The following ABL1 variants were observed in gnomAD, a reference collection of about 807,000 sequenced individuals.
ABL1 encodes the protein tyrosine-protein kinase ABL1.
In ABL1, 11 loss-of-function variants were observed where a neutral mutation model predicts 94.7. The ratio of observed to expected loss-of-function variants is 0.12; its 90% CI spans 0.07 to 0.19. The LOEUF (loss-of-function observed/expected upper bound fraction) is 0.19. Among genes scored for constraint, ABL1 ranks in the 10% least tolerant of loss-of-function variants. The pLI is 1.00. For synonymous variants in ABL1, 656 were observed against 622.4 expected (o/e 1.05, Z -0.80); for missense variants, 1,082 against 1,489.4 (o/e 0.73, Z 4.50).
Position 130,827,765 on chromosome 9 carries a change from G to A in ABL1, c.137-26299G>A, listed in dbSNP as rs569236025. Among the ~76,000 whole-genome samples, 23 of 152,048 alleles carry A rather than the reference G, an allele frequency of 1.5e-4. No homozygotes were observed. In the South Asian group the frequency reaches 4.8e-3, roughly 32 times the overall value. ...CAAAAATTAACTGAACATGGTGGCA[G>A]GCACCTGTAATCCCAGCTATTGGGA... On this transcript the variant is annotated intron_variant, in intron 1 of 10. Transcript: ENST00000372348.
Position 130,885,075 on chromosome 9 carries a change from G to A in ABL1, c.2785G>A (p.Gly929Ser). 2 of 1,610,160 alleles carry A rather than the reference G, an allele frequency of 1.2e-6. No individual in the cohort carries two copies. The highest frequency in any genetic ancestry group is 2.2e-5 in the South Asian group (2 of 90,890). The change falls in exon 11 of 11, where the codon GGC (glycine) becomes AGC (serine). Residue 929 changes from glycine to serine, a missense_variant. Gly to Ser is a moderately conservative substitution (Grantham distance 56). Transcript: ENST00000318560. ...GGAGGCGGCCGGGGAGGCAGTCCTG[G>A]GCGCAAAGACAAAAGCCACGAGTCT... Reference protein sequence around the residue: ...SQEAAGEAVLGAKTKATSLVD... With the variant: ...SQEAAGEAVLSAKTKATSLVD...
chr9:130,823,256 C>T (rs534395100), intron 1 of ABL1, among the ~76,000 whole-genome samples: 17 of 152,064 alleles, frequency 1.1e-4, no homozygotes, highest in Non-Finnish European at 1.6e-4. Flanking sequence ...GCATGTTTCA[C>T]GGGGATGATT....
At chr9:130,821,840 A>ATTT (rs71389365) in intron 1 of ABL1, among the ~76,000 whole-genome samples, 3 of 109,964 alleles carry the variant, frequency 2.7e-5, no homozygotes, top group African/African-American at 9.9e-5. Context: ...TATTATTATT[A>ATTT]TTTTTTTTTT....
intron 7 of ABL1, among the ~76,000 whole-genome samples, chr9:130,877,851 G>A (rs555122925): frequency 6.8e-6 from 1 of 147,532 alleles, no homozygotes; most frequent in South Asian, 2.1e-4. Flanking sequence ...CTGTCACCCA[G>A]CCTGGAGTGC....
chr9:130,748,562 G>A (rs532099808), intron 1 of ABL1, among the ~76,000 whole-genome samples: 1 of 151,488 alleles, frequency 6.6e-6, no homozygotes, highest in East Asian at 1.9e-4. Flanking sequence ...ACAGGCGTGA[G>A]CCACCATGCC....
At chr9:130,816,423 C>G (rs916627156) in intron 1 of ABL1, among the ~76,000 whole-genome samples, 2 of 152,032 alleles carry the variant, frequency 1.3e-5, no homozygotes, top group African/African-American at 4.8e-5. Flanking sequence ...ATCCTCCTGC[C>G]TCAGCTTCCC....
At chr9:130,789,963 A>C (rs897766816) in intron 1 of ABL1, among the ~76,000 whole-genome samples, 1 of 152,244 alleles carries the variant, frequency 6.6e-6, no homozygotes, top group Non-Finnish European at 1.5e-5. Context: ...TTCCAGAAGA[A>C]GATACTACAG....
chr9:130,766,784 G>A (rs766961433), intron 1 of ABL1, among the ~76,000 whole-genome samples: 6 of 152,112 alleles, frequency 3.9e-5, no homozygotes, highest in Non-Finnish European at 8.8e-5. Flanking sequence ...GCCTTGCCCC[G>A]GCTCTGATCT....
chr9:130,848,616 A>G (rs1830811573), intron 1 of ABL1, among the ~76,000 whole-genome samples: 1 of 152,002 alleles, frequency 6.6e-6, no homozygotes, highest in Admixed American at 6.6e-5. Flanking sequence ...TTTTTGTGAG[A>G]AATATACCAT....
At chr9:130,873,918 G>A (rs893260897) in intron 6 of ABL1, among the ~76,000 whole-genome samples, 1 of 152,182 alleles carries the variant, frequency 6.6e-6, no homozygotes, top group Non-Finnish European at 1.5e-5. Context: ...GATTTTCTAT[G>A]CTCCATGAGA....
chr9:130,744,856 C>CAAAA, intron 1 of ABL1, among the ~76,000 whole-genome samples: 1 of 58,370 alleles, frequency 1.7e-5, no homozygotes, highest in African/African-American at 5.1e-5. Context: ...GACTCCGTCT[C>CAAAA]AAAAAAAAAA....
At chr9:130,716,315 C>T (rs1480088552) in intron 1 of ABL1, among the ~76,000 whole-genome samples, 4 of 151,960 alleles carry the variant, frequency 2.6e-5, no homozygotes, top group Admixed American at 1.3e-4. Flanking sequence ...CAGGCTGGTC[C>T]TGAACTCTTG....
chr9:130,731,699 C>T (rs1375774837), intron 1 of ABL1, among the ~76,000 whole-genome samples: 2 of 152,086 alleles, frequency 1.3e-5, no homozygotes, highest in Non-Finnish European at 2.9e-5. Context: ...AGAATAAGGC[C>T]TCCTGTTTTG....
At chr9:130,816,806 C>T (rs933715525) in intron 1 of ABL1, among the ~76,000 whole-genome samples, 3 of 152,184 alleles carry the variant, frequency 2.0e-5, no homozygotes, top group Non-Finnish European at 2.9e-5. Flanking sequence ...CGGGTTCAAG[C>T]GATTCTCCTG....
intron 1 of ABL1, among the ~76,000 whole-genome samples, chr9:130,843,145 C>T (rs748404247): frequency 6.6e-6 from 1 of 152,198 alleles, no homozygotes; most frequent in Admixed American, 6.5e-5. Flanking sequence ...TAAAGACAGA[C>T]AAGTGCAGGG....
intron 1 of ABL1, chr9:130,714,510 C>T (rs201973790): frequency 1.2e-6 from 2 of 1,611,398 alleles, no homozygotes; most frequent in Non-Finnish European, 1.7e-6. Flanking sequence ...TCATCTTAGG[C>T]CTTCAAGGAA....
intron 1 of ABL1, among the ~76,000 whole-genome samples, chr9:130,790,332 G>A (rs957791055): frequency 6.6e-6 from 1 of 152,160 alleles, no homozygotes; most frequent in Non-Finnish European, 1.5e-5. Flanking sequence ...GCTGTGAGGG[G>A]CCTCATGCAC....
chr9:130,814,915 TAAAA>T lies in ABL1; in HGVS notation c.137-39144_137-39141del, dbSNP rs572840014. On this transcript the variant is annotated intron_variant, in intron 1 of 10. Transcript: ENST00000372348. This position sits in a 1 kb window ranked among gnomAD's most constrained non-coding sequence, Gnocchi z 4.4. ...AAAATAAAAATAAAGTTTAGTAAAATAAAAAAAATCAGTAAAATACAAATAAAAT... is the reference window on the plus strand; with the variant it reads ...AAAATAAAAATAAAGTTTAGTAAAATAAAATCAGTAAAATACAAATAAAAT... Among the ~76,000 whole-genome samples the T allele has an allele frequency of 2.6e-5, 4 of 151,438 alleles. No homozygotes were observed. Among genetic ancestry groups the T allele is most frequent in the South Asian group, 2.1e-4 (1 of 4,800 alleles).
chr9:130,713,406 G>A (rs183608533), exon 1 of ABL1, among the ~76,000 whole-genome samples: 214 of 152,298 alleles, frequency 1.4e-3, no homozygotes, highest in African/African-American at 4.5e-3. Context: ...CCCCAGCTTG[G>A]GACACCCCGT....
Sources: allele counts gnomAD v4.1 joint callset (sites outside exome capture counted in the v4.1 genomes callset), GRCh38; gene constraint gnomAD v4.1.1; non-coding constraint Gnocchi (gnomAD v3.1); transcripts MANE v1.5; gene names NCBI Gene and HGNC (gene_info 2026-07-23, HGNC 2026-07-21).